Variants in CASS4 observed in about 807,000 individuals in gnomAD.
CASS4 encodes Cas scaffold protein family member 4, also known as cas scaffolding protein family member 4.
Under a neutral mutation model 54.2 loss-of-function variants are expected in CASS4, and 22 were observed. That is an observed-to-expected ratio of 0.41 (90% CI 0.29 to 0.58). The LOEUF (loss-of-function observed/expected upper bound fraction) is 0.58. Among genes scored for constraint, CASS4 ranks in the 20% least tolerant of loss-of-function variants. The pLI, the probability that CASS4 is intolerant of heterozygous loss-of-function variation, is 0.36. For missense variants in CASS4, 854 were observed against 986.7 expected (o/e 0.87, Z 1.80); for synonymous variants, 409 against 391.5 (o/e 1.04, Z -0.53).
In CASS4 at chr20:56,437,077, T is replaced by A; in HGVS notation, c.37-87T>A. 1 of 1,179,240 alleles carries A rather than the reference T, an allele frequency of 8.5e-7. No homozygotes were observed. The highest frequency in any genetic ancestry group is 1.2e-6 in the Non-Finnish European group (1 of 838,340). 73.0% of individuals were successfully genotyped at this position (1,179,240 alleles called of 1,614,324 possible). A position where few individuals can be genotyped will look rare whatever the true frequency, so the allele number is the denominator to read the frequency against. On this transcript the variant is annotated intron_variant, in intron 1 of 5. Transcript: ENST00000679887. The surrounding 1 kb of genome is among the most constrained non-coding windows in gnomAD (Gnocchi z 4.7). ...AATGAAAGGGCATGATGAATTTGTA[T>A]GAAGCTTTCTAAGAGAGTGGGATTG...
chr20:56,415,015 C>T (rs923622550), intron 1 of CASS4, among the ~76,000 whole-genome samples: 1 of 152,124 alleles, frequency 6.6e-6, no homozygotes, highest in Non-Finnish European at 1.5e-5. Flanking sequence ...GACGAGGAAA[C>T]GAGGCCTCGC....
chr20:56,459,400 A>G lies in CASS4; in HGVS notation c.*653A>G. The G allele has an allele frequency of 4.1e-6, 1 of 245,238 alleles. No homozygotes were observed. The highest frequency in any genetic ancestry group is 8.7e-6 in the Non-Finnish European group (1 of 114,364). The allele number at this position is 245,238 out of a possible 1,614,324, so 15.2% of individuals were successfully genotyped here. A position where few individuals can be genotyped will look rare whatever the true frequency, so the allele number is the denominator to read the frequency against. Reference sequence around the variant, plus strand: ...TGACTGTGACCTTCAGACAGCATAAATATGTGTGCCCTCTCATGTGCAATT... The same window carrying G: ...TGACTGTGACCTTCAGACAGCATAAGTATGTGTGCCCTCTCATGTGCAATT... On this transcript the variant is annotated 3_prime_UTR_variant, in exon 6 of 6. Coordinates refer to ENST00000679887, the MANE Select transcript of CASS4 (RefSeq NM_020356.4).
Position 56,458,777 on chromosome 20 carries a change from C to A in CASS4, c.*30C>A. 2 of 1,543,474 alleles carry A rather than the reference C, an allele frequency of 1.3e-6. No individual in the cohort carries two copies. Among genetic ancestry groups the A allele is most frequent in the Non-Finnish European group, 1.8e-6 (2 of 1,139,708 alleles). ...TGTCTACCTCCCTTCCTCCTCTGCTCACCTCTCAGCTTCACACCCACAACT... is the reference window on the plus strand; with the variant it reads ...TGTCTACCTCCCTTCCTCCTCTGCTAACCTCTCAGCTTCACACCCACAACT... On this transcript the variant is annotated 3_prime_UTR_variant, in exon 6 of 6. Transcript: ENST00000679887.
chr20:56,456,887 T>C (rs570991442), intron 5 of CASS4, among the ~76,000 whole-genome samples: 3 of 151,920 alleles, frequency 2.0e-5, no homozygotes, highest in African/African-American at 7.2e-5. Context: ...GAGTTTCGTA[T>C]GTTGCCAAGG....
chr20:56,434,969 ACTTTTT>A (rs1980087114), intron 1 of CASS4, among the ~76,000 whole-genome samples: 1 of 152,274 alleles, frequency 6.6e-6, no homozygotes, highest in Middle Eastern at 3.4e-3. Flanking sequence ...TATTATTTTT[ACTTTTT>A]CTTTAATGAA....
chr20:56,436,003 C>T (rs777833029), intron 1 of CASS4, among the ~76,000 whole-genome samples: 7 of 152,094 alleles, frequency 4.6e-5, no homozygotes, highest in Admixed American at 1.3e-4. Context: ...CTGCCCTCCT[C>T]GGCCCCCCAA....
At chr20:56,448,645 C>T (rs1240783561) in intron 3 of CASS4, among the ~76,000 whole-genome samples, 2 of 152,154 alleles carry the variant, frequency 1.3e-5, no homozygotes, top group Admixed American at 6.5e-5. Context: ...CTACAGAAAC[C>T]CCTTCCAATA....
At chr20:56,450,501 C>A in intron 3 of CASS4, 98 bp from the exon 4 acceptor site, 1 of 1,127,348 alleles carries the variant, frequency 8.9e-7, no homozygotes, top group Non-Finnish European at 1.3e-6. Context: ...GAATTTGTGT[C>A]TTCCTTTGGA....
At position 56,459,034 on chromosome 20, in the gene CASS4, A is replaced by T; in HGVS notation, c.*287A>T. 2.9e-6 allele frequency: 1 copy of T among 339,188 alleles called. No individual in the cohort carries two copies. The highest frequency in any genetic ancestry group is 6.5e-5 in the South Asian group (1 of 15,324). 21.0% of individuals were successfully genotyped at this position (339,188 alleles called of 1,614,324 possible). On this transcript the variant is annotated 3_prime_UTR_variant, in exon 6 of 6. Coordinates refer to ENST00000679887, the MANE Select transcript of CASS4 (RefSeq NM_020356.4). The stretch of plus-strand genomic sequence containing the variant: ...TGACTTCGCAGAAATAATATTTTAT[A>T]TTGATTAAATGTGTGCATGTTTTGT...
chr20:56,445,873 C>T, intron 2 of CASS4, 27 bp from the exon 3 acceptor site: 2 of 1,531,832 alleles, frequency 1.3e-6, no homozygotes, highest in South Asian at 2.2e-5. Context: ...ATTTCCTTTT[C>T]CTCTTTTCTC....
chr20:56,440,806 G>T (rs573272469), intron 2 of CASS4, among the ~76,000 whole-genome samples: 1 of 152,066 alleles, frequency 6.6e-6, no homozygotes, highest in Non-Finnish European at 1.5e-5. Flanking sequence ...AACAGAAACC[G>T]CAAGGAAATT....
At position 56,452,658 on chromosome 20, in the gene CASS4, G is replaced by A; in HGVS notation, c.1482G>A (p.Leu494=). The part of the protein sequence containing the change: ...DHIEESVREF[L]DFARGVHGTA... ...TAGAAGAATCTGTAAGAGAATTTCTGGATTTTGCCCGAGGAGTCCATGGGA... is the reference window on the plus strand; with the variant it reads ...TAGAAGAATCTGTAAGAGAATTTCTAGATTTTGCCCGAGGAGTCCATGGGA... The change falls in exon 5 of 6, where the codon CTG becomes CTA. Residue 494 remains leucine (L), a synonymous_variant. Transcript: ENST00000679887. 1.2e-6 allele frequency: 2 copies of A among 1,614,170 alleles called. No homozygotes were observed. The highest frequency in any genetic ancestry group is 8.5e-7 in the Non-Finnish European group (1 of 1,180,032).
Position 56,450,647 on chromosome 20 carries a change from G to T in CASS4, c.610G>T (p.Ala204Ser), listed in dbSNP as rs1191596468. 8.7e-6 allele frequency: 14 copies of T among 1,614,150 alleles called. No homozygotes were observed. The highest frequency in any genetic ancestry group is 1.1e-5 in the Non-Finnish European group (13 of 1,180,022). Residue 204 changes from alanine (A) to serine (S), a missense_variant, in exon 4 of 6, where the codon GCA (alanine) becomes TCA (serine). Physicochemically the swap from Ala to Ser is moderately conservative, Grantham distance 99 (BLOSUM62 1). Transcript: ENST00000679887. ...TGACATACCAGCCAGCCCCAAGAAGGCAGGACTCCATCCCCCAGACAGCCA... is the reference window on the plus strand; with the variant it reads ...TGACATACCAGCCAGCCCCAAGAAGTCAGGACTCCATCCCCCAGACAGCCA... ...LYDIPASPKK[A>S]GLHPPDSQAS...
intron 2 of CASS4, among the ~76,000 whole-genome samples, chr20:56,441,520 G>A (rs746393684): frequency 5.9e-5 from 9 of 152,070 alleles, no homozygotes; most frequent in Middle Eastern, 3.4e-3. Context: ...CAGGAGAATC[G>A]CTTGAACCCG....
At chr20:56,423,588 A>G (rs1486825905) in intron 1 of CASS4, among the ~76,000 whole-genome samples, 1 of 152,132 alleles carries the variant, frequency 6.6e-6, no homozygotes, top group African/African-American at 2.4e-5. Context: ...TCTGTTGCCC[A>G]GGCTGGAATG....
intron 2 of CASS4, among the ~76,000 whole-genome samples, chr20:56,442,308 T>C (rs957565452): frequency 1.3e-5 from 2 of 151,770 alleles, no homozygotes; most frequent in African/African-American, 4.9e-5. Flanking sequence ...TTAGAACAAC[T>C]CTTCATTTTA....
At position 56,452,587 on chromosome 20, in the gene CASS4, T is replaced by C. The variant is rs1044229460; in HGVS notation, c.1411T>C (p.Tyr471His). The C allele has an allele frequency of 7.4e-6, 12 of 1,614,062 alleles. No individual in the cohort carries two copies. In the Admixed American group the frequency reaches 8.3e-5, roughly 11 times the overall value. Residue 471 changes from tyrosine (Y) to histidine (H), a missense_variant, in exon 5 of 6, where the codon TAT becomes CAT. Physicochemically the swap from Tyr to His is moderately conservative, Grantham distance 83 (BLOSUM62 2). Coordinates refer to ENST00000679887, the MANE Select transcript of CASS4 (RefSeq NM_020356.4). ...FVSRKWRFRD[Y>H]LEANIDAIHR... is the part of the protein sequence containing the mutation. Reference sequence around the variant, plus strand: ...CAGCAGGAAGTGGAGATTCCGAGACTATCTGGAGGCCAACATTGATGCAAT... The same window carrying C: ...CAGCAGGAAGTGGAGATTCCGAGACCATCTGGAGGCCAACATTGATGCAAT...
At chr20:56,431,780 T>C (rs1485648665) in intron 1 of CASS4, among the ~76,000 whole-genome samples, 1 of 152,234 alleles carries the variant, frequency 6.6e-6, no homozygotes, top group Non-Finnish European at 1.5e-5. Flanking sequence ...ATATGCACTA[T>C]CTTATTTCTA....
rs1386672146 is a variant in CASS4, at chr20:56,437,206, T to C, written c.79T>C (p.Ser27Pro). The change falls in exon 2 of 6, where the codon TCT (serine) becomes CCT (proline). Residue 27 changes from serine (S) to proline (P), a missense_variant. Transcript: ENST00000679887. This position sits in a 1 kb window ranked among gnomAD's most constrained non-coding sequence, Gnocchi z 4.7. ...ACTTTATGACAACTGCCCTGACTGC[T>C]CTGACGAGCTGGCTTTCAGCAGAGG... Reference protein sequence around the residue: ...RALYDNCPDCSDELAFSRGDI... With the variant: ...RALYDNCPDCPDELAFSRGDI... 1 of 1,598,258 alleles carries C rather than the reference T, an allele frequency of 6.3e-7. No individual in the cohort carries two copies. The highest frequency in any genetic ancestry group is 1.7e-5 in the Admixed American group (1 of 59,076).
Sources: allele counts gnomAD v4.1 joint callset (sites outside exome capture counted in the v4.1 genomes callset), GRCh38; gene constraint gnomAD v4.1.1; non-coding constraint Gnocchi (gnomAD v3.1); transcripts MANE v1.5; gene names NCBI Gene and HGNC (gene_info 2026-07-23, HGNC 2026-07-21).